The following AGMO variants were observed in gnomAD, a reference collection of about 807,000 sequenced individuals.
AGMO encodes the protein alkylglycerol monooxygenase, also known as glyceryl-ether monooxygenase.
AGMO carries 75 observed loss-of-function variants against 60.2 expected under a neutral mutation model. The observed-to-expected ratio is 1.25, with a 90% CI of 1.03 to 1.51. The LOEUF (loss-of-function observed/expected upper bound fraction) is 1.51, where lower values mean the gene tolerates loss of function less well. AGMO is among the 40% of genes most tolerant of loss of function. The probability of loss-of-function intolerance (pLI) is 0.00; values close to 1 mark genes in which losing one functional copy is unlikely to be tolerated. For missense variants in AGMO, 763 were observed against 525.5 expected, an observed-to-expected ratio of 1.45 and a Z score of -4.42; for synonymous variants, 261 against 177.1, an observed-to-expected ratio of 1.47 and a Z score of -3.76.
At chr7:15,384,723 TTTAG>T (rs1783843020) in intron 10 of AGMO, among the ~76,000 whole-genome samples, 1 of 152,144 alleles carries the variant, frequency 6.6e-6, no homozygotes, top group Non-Finnish European at 1.5e-5. Context: ...CTACTTACAA[TTTAG>T]TTACCTTACT....
At chr7:15,495,937 G>A (rs1865663) in intron 3 of AGMO, among the ~76,000 whole-genome samples, 92,940 of 151,414 alleles carry the variant, frequency 0.61, 29,930 homozygotes, top group East Asian at 0.96. Flanking sequence ...AAAATTCATT[G>A]TGAGAGTCTC....
intron 12 of AGMO, among the ~76,000 whole-genome samples, chr7:15,354,455 TACACAC>T (rs1782420980): frequency 2.5e-4 from 5 of 19,790 alleles, no homozygotes; most frequent in Non-Finnish European, 3.9e-4. Flanking sequence ...CGTGTGTGTA[TACACAC>T]GTGTGTGTAT....
chr7:15,304,764 C>G (rs1453365248), intron 12 of AGMO, among the ~76,000 whole-genome samples: 1 of 151,894 alleles, frequency 6.6e-6, no homozygotes, highest in Admixed American at 6.6e-5. Context: ...AGTAAATTGT[C>G]AACTAAAAAA....
chr7:15,316,258 C>T (rs1240589289), intron 12 of AGMO, among the ~76,000 whole-genome samples: 4 of 152,158 alleles, frequency 2.6e-5, no homozygotes, highest in African/African-American at 9.7e-5. Flanking sequence ...GAGTATGCAT[C>T]AGTCCCCCAT....
At chr7:15,155,856 G>C in the AGMO span, among the ~76,000 whole-genome samples, 3 of 152,118 alleles carry the variant, frequency 2.0e-5, no homozygotes, top group African/African-American at 7.2e-5. Context: ...TGTGGAATAA[G>C]TTGCCTTTAG....
intron 5 of AGMO, among the ~76,000 whole-genome samples, chr7:15,416,027 C>CTTTTTTTTTTTTTTTT (rs759040945): frequency 7.6e-6 from 1 of 130,894 alleles, no homozygotes; most frequent in African/African-American, 2.8e-5. Context: ...TTCTTTTTTT[C>CTTTTTTTTTTTTTTTT]TTTTTTTTTT....
At position 15,392,086 on chromosome 7, in the gene AGMO, T is replaced by G. The variant is rs551471802; in HGVS notation, c.677-1181A>C. ...TTTATTTTTTAATTTAATTTTTTTT[T>G]TGAGATGGAGTCTCACTCTGTTGTC... On this transcript the variant is annotated intron_variant, in intron 6 of 12. Transcript: ENST00000342526. 1.2e-4 allele frequency among the ~76,000 whole-genome samples: 19 copies of G among 152,134 alleles called. 1 individual carries two copies. In the South Asian group the frequency reaches 3.5e-3, roughly 28 times the overall value.
chr7:15,163,159 TG>T, the AGMO span, among the ~76,000 whole-genome samples: 2 of 152,206 alleles, frequency 1.3e-5, no homozygotes, highest in Admixed American at 6.6e-5. Flanking sequence ...TAGTGATTTT[TG>T]TACATTGATT....
At chr7:15,186,918 A>C in the AGMO span, among the ~76,000 whole-genome samples, 3 of 152,182 alleles carry the variant, frequency 2.0e-5, no homozygotes. Flanking sequence ...AAAAGGAAAA[A>C]TTGGAGAGAA....
chr7:15,363,923 G>C (rs1278043478), intron 12 of AGMO, among the ~76,000 whole-genome samples: 1 of 151,454 alleles, frequency 6.6e-6, no homozygotes, highest in Non-Finnish European at 1.5e-5. Context: ...CATTTTCTTT[G>C]ATTTTATGAT....
intron 12 of AGMO, among the ~76,000 whole-genome samples, chr7:15,219,972 T>C (rs1249773932): frequency 6.6e-6 from 1 of 152,056 alleles, no homozygotes; most frequent in Non-Finnish European, 1.5e-5. Flanking sequence ...GCTCCCTTCA[T>C]ACTCACTTCC....
chr7:15,389,544 C>T (rs139793753), intron 8 of AGMO, among the ~76,000 whole-genome samples: 10 of 152,256 alleles, frequency 6.6e-5, no homozygotes, highest in Non-Finnish European at 1.3e-4. Context: ...CACCTTTCTT[C>T]TTTTGGTGTA....
chr7:15,384,028 C>T (rs1055806207), intron 10 of AGMO, among the ~76,000 whole-genome samples: 2 of 152,060 alleles, frequency 1.3e-5, no homozygotes, highest in South Asian at 4.1e-4. Context: ...CTCTGCCTCC[C>T]AGGTTCACGT....
At chr7:15,433,132 T>A (rs2128499047) in intron 3 of AGMO, among the ~76,000 whole-genome samples, 1 of 152,208 alleles carries the variant, frequency 6.6e-6, no homozygotes, top group Non-Finnish European at 1.5e-5. Flanking sequence ...TTTTAAAAAA[T>A]TCATTCTAAT....
At chr7:15,532,439 A>G (rs1441625306) in intron 3 of AGMO, among the ~76,000 whole-genome samples, 1 of 152,212 alleles carries the variant, frequency 6.6e-6, no homozygotes, top group Non-Finnish European at 1.5e-5. Context: ...CTCTTTTGTC[A>G]AAGATAGACA....
intron 12 of AGMO, among the ~76,000 whole-genome samples, chr7:15,322,526 A>AT (rs1781156201): frequency 1.2e-5 from 1 of 80,882 alleles, no homozygotes; most frequent in African/African-American, 6.4e-5. Flanking sequence ...AAATATATAT[A>AT]AATATATAAA....
At chr7:15,531,698 T>G (rs1784371265) in intron 3 of AGMO, among the ~76,000 whole-genome samples, 1 of 145,450 alleles carries the variant, frequency 6.9e-6, no homozygotes, top group Non-Finnish European at 1.5e-5. Flanking sequence ...TTGCCCAGGC[T>G]GGAGTGCAGT....
intron 10 of AGMO, among the ~76,000 whole-genome samples, chr7:15,383,878 A>C (rs1349620140): frequency 6.6e-6 from 1 of 151,432 alleles, no homozygotes; most frequent in Non-Finnish European, 1.5e-5. Flanking sequence ...CATGTTTTTA[A>C]TCTGTTTATG....
chr7:15,261,629 G>T (rs1244165717), intron 12 of AGMO, among the ~76,000 whole-genome samples: 1 of 151,866 alleles, frequency 6.6e-6, no homozygotes, highest in Non-Finnish European at 1.5e-5. Flanking sequence ...AAGAAAGAGG[G>T]AATCCTCCTT....
Sources: gnomAD v4.1 joint callset for allele counts (sites outside exome capture counted in the v4.1 genomes callset) on GRCh38, gnomAD v4.1.1 for gene constraint, MANE v1.5 for transcripts, NCBI Gene and HGNC (gene_info 2026-07-23, HGNC 2026-07-21) for gene names.